Variants in GPRIN2 observed in about 807,000 individuals in gnomAD.
GPRIN2 encodes G protein-regulated inducer of neurite outgrowth 2.
GPRIN2 carries 1 observed loss-of-function variant against 0.3 expected under a neutral mutation model. That is an observed-to-expected ratio of 3.90 (90% CI 1.39 to 18.51). The LOEUF (loss-of-function observed/expected upper bound fraction) is 18.51. Ranked by LOEUF, GPRIN2 falls within the 30% of genes most tolerant of loss-of-function variation. The probability of loss-of-function intolerance (pLI) is 0.11; values close to 1 mark genes in which losing one functional copy is unlikely to be tolerated. For missense variants in GPRIN2, 880 were observed against 604.2 expected, an observed-to-expected ratio of 1.46 and a Z score of -4.79; for synonymous variants, 361 against 258.6, an observed-to-expected ratio of 1.40 and a Z score of -3.80.
In GPRIN2 at chr10:46,543,959, C is replaced by T. The variant is rs1013777269; in HGVS notation, c.*5401G>A. On this transcript the variant is annotated 3_prime_UTR_variant, in exon 3 of 3. Coordinates refer to ENST00000374314, the MANE Select transcript of GPRIN2 (RefSeq NM_001385282.1). ...ATGGGCCCACGTCACTTTGGTTTCG[C>T]TTGTTTTTTTTTTTAGTAAACATCA... Among the ~76,000 whole-genome samples the T allele has an allele frequency of 3.4e-4, 51 of 149,790 alleles. No individual in the cohort carries two copies. Among genetic ancestry groups the T allele is most frequent in the Admixed American group, 1.3e-3 (19 of 15,076 alleles).
Position 46,548,683 on chromosome 10 carries a change from T to C in GPRIN2, c.*677A>G, listed in dbSNP as rs1023840772. Among the ~76,000 whole-genome samples the C allele has an allele frequency of 6.6e-6, 1 of 152,308 alleles. No homozygotes were observed. The highest frequency in any genetic ancestry group is 2.4e-5 in the African/African-American group (1 of 41,488). On this transcript the variant is annotated 3_prime_UTR_variant, in exon 3 of 3. Transcript: ENST00000374314. The stretch of plus-strand genomic sequence containing the variant: ...AACCCAGCACAGAGTATGAGCTCAG[T>C]AAATTCTCCTCATACATGACTGCAC...
chr10:46,550,511 G>A lies in GPRIN2; in HGVS notation c.226C>T (p.Arg76Trp), dbSNP rs150129733. The change falls in exon 3 of 3, where the codon CGG becomes TGG. Residue 76 changes from arginine to tryptophan, a missense_variant. Physicochemically the swap from Arg to Trp is moderately radical, Grantham distance 101. Coordinates refer to ENST00000374314, the MANE Select transcript of GPRIN2 (RefSeq NM_001385282.1). ...GNPPESMKPA[R>W]ASGPKARPSA... ...GGTCGCGCCTTGGGGCCAGAGGCCCGTGCTGGCTTCATGCTCTCAGGCGGG... is the reference window on the plus strand; with the variant it reads ...GGTCGCGCCTTGGGGCCAGAGGCCCATGCTGGCTTCATGCTCTCAGGCGGG... 1.4e-4 allele frequency: 223 copies of A among 1,603,774 alleles called. No homozygotes were observed. In the African/African-American group the frequency reaches 1.9e-3, roughly 13 times the overall value.
Position 46,550,618 on chromosome 10 carries a change from CG to C in GPRIN2, c.118del (p.Arg40AlafsTer33), listed in dbSNP as rs1832302968. On this transcript the variant is annotated frameshift_variant, in exon 3 of 3. Transcript: ENST00000374314. LOFTEE classifies it low-confidence loss of function (END_TRUNC). ...GEGREQRPEL[R>X]KTASSTVWQA... The stretch of plus-strand genomic sequence containing the variant: ...CCACACGGTGCTGCTGGCAGTCTTG[CG>C]GAGCTCTGGCCTCTGTTCCCGGCCT... 2 of 1,583,306 alleles carry C rather than the reference CG, an allele frequency of 1.3e-6. No homozygotes were observed. Among genetic ancestry groups the C allele is most frequent in the Non-Finnish European group, 1.7e-6 (2 of 1,165,192 alleles).
intron 2 of GPRIN2, among the ~76,000 whole-genome samples, chr10:46,553,757 C>A (rs1374492242): frequency 6.6e-6 from 1 of 152,306 alleles, no homozygotes; most frequent in Admixed American, 6.5e-5. Context: ...AGGCCTGGAG[C>A]AGCTCAGAAA....
chr10:46,544,552 G>A lies in GPRIN2; in HGVS notation c.*4808C>T, dbSNP rs916292170. Among the ~76,000 whole-genome samples, 9 of 152,424 alleles carry A rather than the reference G, an allele frequency of 5.9e-5. No homozygotes were observed. Among genetic ancestry groups the A allele is most frequent in the African/African-American group, 1.9e-4 (8 of 41,608 alleles). ...CTGCCCAAGCTGGTTTCGAACTCCTGAGCTCAAGCAGTCAGCCCACCTCAG... is the reference window on the plus strand; with the variant it reads ...CTGCCCAAGCTGGTTTCGAACTCCTAAGCTCAAGCAGTCAGCCCACCTCAG... On this transcript the variant is annotated 3_prime_UTR_variant, in exon 3 of 3. Transcript: ENST00000374314.
At chr10:46,551,038 A>G (rs1033682057) in intron 2 of GPRIN2, among the ~76,000 whole-genome samples, 2 of 152,274 alleles carry the variant, frequency 1.3e-5, no homozygotes, top group Non-Finnish European at 2.9e-5. Flanking sequence ...TCAGCTCTCA[A>G]CTCTTTACTG....
chr10:46,550,297 C>A lies in GPRIN2; in HGVS notation c.440G>T (p.Gly147Val). 8.7e-6 allele frequency: 14 copies of A among 1,613,086 alleles called. No homozygotes were observed. In the South Asian group the frequency reaches 1.4e-4, roughly 16 times the overall value. Residue 147 changes from glycine to valine, a missense_variant, in exon 3 of 3, where the codon GGC becomes GTC. Physicochemically the swap from Gly to Val is moderately radical, Grantham distance 109. Coordinates refer to ENST00000374314, the MANE Select transcript of GPRIN2 (RefSeq NM_001385282.1). ...CTGAGCCCTGTGGACAGGGCTGCTG[C>A]CAAGGGCTGAGCAGCTGAGACTGGC... ...RKASLSCSAL[G>V]SSPVHRAQLQ...
At position 46,549,488 on chromosome 10, in the gene GPRIN2, GCT is replaced by G; in HGVS notation, c.1247_1248del (p.Glu416AlafsTer83). On this transcript the variant is annotated frameshift_variant, in exon 3 of 3. Coordinates refer to ENST00000374314, the MANE Select transcript of GPRIN2 (RefSeq NM_001385282.1). LOFTEE classifies it low-confidence loss of function (END_TRUNC). ...AIQKHLEMQF[E>X]QLQRAPASED... ...TCGCTGGCGGGCGCCCGCTGCAGCT[GCT>G]CAAACTGCATCTCCAGGTGCTTCTG... is the stretch of plus-strand genomic sequence containing the variant. 1.2e-6 allele frequency: 2 copies of G among 1,612,558 alleles called. No individual in the cohort carries two copies. Among genetic ancestry groups the G allele is most frequent in the East Asian group, 2.2e-5 (1 of 44,856 alleles).
rs1271529533 is a variant in GPRIN2 at position 46,556,478 on chromosome 10, G to A, written c.-118+20C>T. On this transcript the variant is annotated intron_variant, in intron 1 of 2. Coordinates refer to ENST00000374314, the MANE Select transcript of GPRIN2 (RefSeq NM_001385282.1). ...CCACGCCCCCCGCCCCAACGGGAGC[G>A]CGCGGAGCCAGCCTCTCACCCTCTC... Among the ~76,000 whole-genome samples, 2 of 152,374 alleles carry A rather than the reference G, an allele frequency of 1.3e-5. No individual in the cohort carries two copies. The highest frequency in any genetic ancestry group is 3.9e-4 in the East Asian group (2 of 5,184).
Position 46,549,952 on chromosome 10 carries a change from A to G in GPRIN2, c.785T>C (p.Val262Ala), listed in dbSNP as rs1832539274. 6 of 1,614,254 alleles carry G rather than the reference A, an allele frequency of 3.7e-6. No individual in the cohort carries two copies. The South Asian group carries it at 4.4e-5, about 12-fold the overall frequency. ...CAGCCCAGACTCGCTCACTGACGCC[A>G]CTAGTTTGGGAAAGGCCAGGATCCC... ...ATGILAFPKLVASVSESGLQA... is the reference protein window; with the variant it reads ...ATGILAFPKLAASVSESGLQA... Residue 262 changes from valine to alanine, a missense_variant, in exon 3 of 3, where the codon GTG becomes GCG. Transcript: ENST00000374314.
rs1832541499 is a variant in GPRIN2, at chr10:46,549,938, CGCTCACT to C, written c.792_798del (p.Val265SerfsTer10). The C allele has an allele frequency of 6.2e-7, 1 of 1,614,204 alleles. No homozygotes were observed. Among genetic ancestry groups the C allele is most frequent in the Non-Finnish European group, 8.5e-7 (1 of 1,180,006 alleles). ...CCATGCTGAGCCTGCAGCCCAGACT[CGCTCACT>C]GACGCCACTAGTTTGGGAAAGGCCA... On this transcript the variant is annotated frameshift_variant, in exon 3 of 3. Coordinates refer to ENST00000374314, the MANE Select transcript of GPRIN2 (RefSeq NM_001385282.1). LOFTEE classifies it low-confidence loss of function (END_TRUNC).
In GPRIN2 at chr10:46,547,447, A is replaced by G. The variant is rs1842267665; in HGVS notation, c.*1913T>C. On this transcript the variant is annotated 3_prime_UTR_variant, in exon 3 of 3. Transcript: ENST00000374314. Reference sequence around the variant, plus strand: ...CCCCTGGTCACCTCCCAACCCAACAAACGCTCCAAATGAGCCGCCACTGCA... The same window carrying G: ...CCCCTGGTCACCTCCCAACCCAACAGACGCTCCAAATGAGCCGCCACTGCA... 6.6e-6 allele frequency among the ~76,000 whole-genome samples: 1 copy of G among 152,306 alleles called. No homozygotes were observed. The highest frequency in any genetic ancestry group is 6.5e-5 in the Admixed American group (1 of 15,294).
rs1291713468 is a variant in GPRIN2, at chr10:46,547,492, G to A, written c.*1868C>T. 2.0e-5 allele frequency among the ~76,000 whole-genome samples: 3 copies of A among 152,302 alleles called. No individual in the cohort carries two copies. Among genetic ancestry groups the A allele is most frequent in the Non-Finnish European group, 2.9e-5 (2 of 68,054 alleles). On this transcript the variant is annotated 3_prime_UTR_variant, in exon 3 of 3. Transcript: ENST00000374314. ...ACTGCAGAAACTCATTATGGCCCAGGCAGGACAGGCACATCCAAGTATCTG... is the reference window on the plus strand; with the variant it reads ...ACTGCAGAAACTCATTATGGCCCAGACAGGACAGGCACATCCAAGTATCTG...
Position 46,544,569 on chromosome 10 carries a change from C to T in GPRIN2, c.*4791G>A, listed in dbSNP as rs1219105592. 6.6e-6 allele frequency among the ~76,000 whole-genome samples: 1 copy of T among 152,308 alleles called. No individual in the cohort carries two copies. Among genetic ancestry groups the T allele is most frequent in the Non-Finnish European group, 1.5e-5 (1 of 68,056 alleles). On this transcript the variant is annotated 3_prime_UTR_variant, in exon 3 of 3. Transcript: ENST00000374314. ...GAACTCCTGAGCTCAAGCAGTCAGC[C>T]CACCTCAGCCTCCCAAAGTGCTGGG...
chr10:46,556,232 C>T (rs1831846198), intron 1 of GPRIN2, among the ~76,000 whole-genome samples: 1 of 152,302 alleles, frequency 6.6e-6, no homozygotes, highest in Non-Finnish European at 1.5e-5. Context: ...GGGTGGAGGC[C>T]GAAGGAGACA....
rs1832359548 is a variant in GPRIN2, at chr10:46,550,470, G to T, written c.267C>A (p.His89Gln). The change falls in exon 3 of 3, where the codon CAC (histidine) becomes CAA (glutamine). Residue 89 changes from histidine (H) to glutamine (Q), a missense_variant. By Grantham distance (24) the His-to-Gln change is conservative (BLOSUM62 0). Coordinates refer to ENST00000374314, the MANE Select transcript of GPRIN2 (RefSeq NM_001385282.1). ...GPKARPSAGG[H>Q]WWSSTVGNVS... ...CATTGCCCACAGTGCTGCTCCACCA[G>T]TGGCCTCCAGCACTGGGTCGCGCCT... is the stretch of plus-strand genomic sequence containing the variant. The T allele has an allele frequency of 6.2e-7, 1 of 1,611,272 alleles. No homozygotes were observed.
At chr10:46,557,082 C>CCGT (rs1555026640), upstream of GPRIN2, among the ~76,000 whole-genome samples, 1 of 151,512 alleles carries the variant, frequency 6.6e-6, no homozygotes, top group Non-Finnish European at 1.5e-5. Context: ...GGTCTCCGCG[C>CCGT]CGGCGGCTAC....
rs1842301249 is a variant in GPRIN2, at chr10:46,547,798, C to T, written c.*1562G>A. The stretch of plus-strand genomic sequence containing the variant: ...CAAAGGGACTGACAGCCCCAGAATC[C>T]CAAGGGGTGCACCTATGCATATGGG... On this transcript the variant is annotated 3_prime_UTR_variant, in exon 3 of 3. Coordinates refer to ENST00000374314, the MANE Select transcript of GPRIN2 (RefSeq NM_001385282.1). 6.6e-6 allele frequency among the ~76,000 whole-genome samples: 1 copy of T among 152,310 alleles called. No individual in the cohort carries two copies. The highest frequency in any genetic ancestry group is 1.5e-5 in the Non-Finnish European group (1 of 68,058).
At position 46,550,099 on chromosome 10, in the gene GPRIN2, G is replaced by C. The variant is rs1832485530; in HGVS notation, c.638C>G (p.Ala213Gly). Reference sequence around the variant, plus strand: ...CAGCTGTTCAGCAGCTTTGGGCTCAGCCTGGGCACTGCTGCTGTGGGCAGT... The same window carrying C: ...CAGCTGTTCAGCAGCTTTGGGCTCACCCTGGGCACTGCTGCTGTGGGCAGT... ...DTTAHSSSAQ[A>G]EPKAAEQLAT... Residue 213 changes from alanine (A) to glycine (G), a missense_variant, in exon 3 of 3, where the codon GCT (alanine) becomes GGT (glycine). By Grantham distance (60) the Ala-to-Gly change is moderately conservative (BLOSUM62 0). Transcript: ENST00000374314. 3 of 1,612,516 alleles carry C rather than the reference G, an allele frequency of 1.9e-6. No individual in the cohort carries two copies. In the Admixed American group the frequency reaches 5.0e-5, roughly 27 times the overall value.
Sources: allele counts gnomAD v4.1 joint callset (sites outside exome capture counted in the v4.1 genomes callset), GRCh38; gene constraint gnomAD v4.1.1; transcripts MANE v1.5; gene names NCBI Gene and HGNC (gene_info 2026-07-23, HGNC 2026-07-21).